Variants in TM9SF2 observed in about 807,000 individuals in gnomAD.
TM9SF2 encodes transmembrane 9 superfamily member 2.
In TM9SF2, 13 loss-of-function variants were observed where a neutral mutation model predicts 84.9. The observed-to-expected ratio is 0.15, with a 90% CI of 0.10 to 0.24. TM9SF2 has a LOEUF of 0.24. Among genes scored for constraint, TM9SF2 ranks in the 10% least tolerant of loss-of-function variants. The pLI is 1.00. For synonymous variants in TM9SF2, 273 were observed against 285.8 expected (o/e 0.96, Z 0.45); for missense variants, 562 against 818.5 (o/e 0.69, Z 3.82).
At chr13:99,511,878 C>G (rs1344164612) in intron 1 of TM9SF2, among the ~76,000 whole-genome samples, 3 of 152,148 alleles carry the variant, frequency 2.0e-5, no homozygotes, top group Admixed American at 2.0e-4. Context: ...TTGAGTTTAC[C>G]TACTTTGTTT....
At chr13:99,516,310 TTGACAGCACTAGTAAG>T (rs979004096) in intron 1 of TM9SF2, among the ~76,000 whole-genome samples, 3 of 152,196 alleles carry the variant, frequency 2.0e-5, no homozygotes, top group African/African-American at 7.2e-5. Flanking sequence ...TAGAGGACTG[TTGACAGCACTAGTAAG>T]TGAAATCAAA....
chr13:99,548,689 A>C lies in TM9SF2; in HGVS notation c.1271-476A>C, dbSNP rs1038346759. Among the ~76,000 whole-genome samples, 3 of 152,138 alleles carry C rather than the reference A, an allele frequency of 2.0e-5. No individual in the cohort carries two copies. The South Asian group carries it at 6.2e-4, about 31-fold the overall frequency. On this transcript the variant is annotated intron_variant, in intron 11 of 16. Coordinates refer to ENST00000376387, the MANE Select transcript of TM9SF2 (RefSeq NM_004800.3). The stretch of plus-strand genomic sequence containing the variant: ...CTTAGTTGCCTCATCTGACACACGC[A>C]CCTCCTAGGAACCACAGTTCCTCCT...
chr13:99,515,135 G>A (rs935182999), intron 1 of TM9SF2, among the ~76,000 whole-genome samples: 6 of 152,234 alleles, frequency 3.9e-5, no homozygotes, highest in African/African-American at 1.4e-4. Context: ...TGTTGACAGT[G>A]CTGTACAGAT....
chr13:99,533,016 G>C (rs1384279733), intron 4 of TM9SF2, among the ~76,000 whole-genome samples: 1 of 152,134 alleles, frequency 6.6e-6, no homozygotes, highest in Non-Finnish European at 1.5e-5. Flanking sequence ...ACCATTATTT[G>C]AGTATATTCT....
intron 11 of TM9SF2, among the ~76,000 whole-genome samples, chr13:99,548,326 T>A (rs570003286): frequency 6.6e-6 from 1 of 152,348 alleles, no homozygotes; most frequent in South Asian, 2.1e-4. Flanking sequence ...TTCATAACAG[T>A]CTGTTTATCA....
At chr13:99,510,580 G>A (rs2046109548) in intron 1 of TM9SF2, among the ~76,000 whole-genome samples, 2 of 151,942 alleles carry the variant, frequency 1.3e-5, no homozygotes, top group Admixed American at 1.3e-4. Flanking sequence ...GGTTACACAG[G>A]AGCAAGAGAG....
Position 99,501,641 on chromosome 13 carries a change from G to T in TM9SF2, c.35G>T (p.Arg12Leu), listed in dbSNP as rs1406103649. The change falls in exon 1 of 17, where the codon CGG becomes CTG. Residue 12 changes from arginine (R) to leucine (L), a missense_variant. Physicochemically the swap from Arg to Leu is moderately radical, Grantham distance 102 (BLOSUM62 -2). Around this residue, in one of 4 missense-constraint regions of TM9SF2, gnomAD observed 267 missense variants for 316.7 expected, o/e 0.84. Coordinates refer to ENST00000376387, the MANE Select transcript of TM9SF2 (RefSeq NM_004800.3). ...AGGCTGCCGGTGTTGTCTCCACCTCGGTGGCCGCGGCTGTTGCTGCTGTCG... is the reference window on the plus strand; with the variant it reads ...AGGCTGCCGGTGTTGTCTCCACCTCTGTGGCCGCGGCTGTTGCTGCTGTCG... ...SARLPVLSPP[R>L]WPRLLLLSLL... 6.2e-7 allele frequency: 1 copy of T among 1,613,120 alleles called. No individual in the cohort carries two copies. The highest frequency in any genetic ancestry group is 2.2e-5 in the East Asian group (1 of 44,748).
At chr13:99,547,263 C>G (rs1362955239) in intron 11 of TM9SF2, among the ~76,000 whole-genome samples, 159 bp downstream of exon 11, 1 of 152,170 alleles carries the variant, frequency 6.6e-6, no homozygotes, top group African/African-American at 2.4e-5. Flanking sequence ...CCTTTTGTGT[C>G]ATGAGTTACT....
rs111774163 is a variant in TM9SF2 at position 99,509,724 on chromosome 13, A to C, written c.172-7890A>C. ...CCTGTGGTGGGAGGGGCTGCTGCAA[A>C]GGTCTCTGAAATACCTTTGAAGCCT... On this transcript the variant is annotated intron_variant, in intron 1 of 16. Coordinates refer to ENST00000376387, the MANE Select transcript of TM9SF2 (RefSeq NM_004800.3). Among the ~76,000 whole-genome samples the C allele has an allele frequency of 4.6e-5, 7 of 152,300 alleles. 1 individual carries two copies. Among genetic ancestry groups the C allele is most frequent in the African/African-American group, 1.4e-4 (6 of 41,562 alleles).
chr13:99,536,259 C>A (rs1000808686), intron 4 of TM9SF2, among the ~76,000 whole-genome samples: 23 of 150,834 alleles, frequency 1.5e-4, no homozygotes, highest in Non-Finnish European at 1.5e-4. Context: ...TCTTTCCTAC[C>A]TACCATTTAT....
At chr13:99,540,557 C>A in intron 7 of TM9SF2, 157 bp from the exon 8 acceptor site, 14 of 266,186 alleles carry the variant, frequency 5.3e-5, no homozygotes, top group Non-Finnish European at 8.2e-5. Context: ...TTTAGTAAAT[C>A]TGAAACTCTC....
chr13:99,550,840 A>G (rs1018613123), intron 12 of TM9SF2, among the ~76,000 whole-genome samples: 1 of 152,264 alleles, frequency 6.6e-6, no homozygotes, highest in Admixed American at 6.5e-5. Flanking sequence ...TTCAGAACCA[A>G]CATCACTGAT....
In TM9SF2 at chr13:99,551,671, A is replaced by C. The variant is rs911318602; in HGVS notation, c.1329-496A>C. Among the ~76,000 whole-genome samples the C allele has an allele frequency of 3.3e-5, 5 of 152,220 alleles. No homozygotes were observed. In the East Asian group the frequency reaches 9.6e-4, roughly 29 times the overall value. On this transcript the variant is annotated intron_variant, in intron 12 of 16. Coordinates refer to ENST00000376387, the MANE Select transcript of TM9SF2 (RefSeq NM_004800.3). ...AAGACTGAATGGAAATTAACTACAC[A>C]CATTTAGATGTTTGGGTTCAAAAAA...
Position 99,563,515 on chromosome 13 carries a change from C to CT in TM9SF2, c.*760dup, listed in dbSNP as rs2046352844. The CT allele has an allele frequency of 6.6e-6, 1 of 152,134 alleles. No homozygotes were observed. The highest frequency in any genetic ancestry group is 1.5e-5 in the Non-Finnish European group (1 of 68,034). The allele number at this position is 152,134 out of a possible 1,614,324, so 9.4% of individuals were successfully genotyped here. Reference sequence around the variant, plus strand: ...TTTACTGGATTTTGTTAATGTAACACTTTCTGAGTTTTGATCTGAATGGAA... The same window carrying CT: ...TTTACTGGATTTTGTTAATGTAACACTTTTCTGAGTTTTGATCTGAATGGAA... On this transcript the variant is annotated 3_prime_UTR_variant, in exon 17 of 17. Coordinates refer to ENST00000376387, the MANE Select transcript of TM9SF2 (RefSeq NM_004800.3).
At position 99,559,439 on chromosome 13, in the gene TM9SF2, ACTT is replaced by A. The variant is rs758359659; in HGVS notation, c.1833_1835del (p.Phe612del). 6.2e-7 allele frequency: 1 copy of A among 1,614,088 alleles called. No homozygotes were observed. The highest frequency in any genetic ancestry group is 8.5e-7 in the Non-Finnish European group (1 of 1,179,962). ...TATTTCTTAATCTATGCAGTACACT[ACTT>A]CTTTTCAAAACTGCAGATCACGGGA... On this transcript the variant is annotated inframe_deletion, in exon 16 of 17. Coordinates refer to ENST00000376387, the MANE Select transcript of TM9SF2 (RefSeq NM_004800.3).
At chr13:99,530,095 C>G in intron 4 of TM9SF2, among the ~76,000 whole-genome samples, 1 of 150,964 alleles carries the variant, frequency 6.6e-6, no homozygotes, top group East Asian at 1.9e-4. Context: ...AAAAAAAAGG[C>G]TGACACAAAG....
At chr13:99,561,181 C>T (rs2046343825) in intron 16 of TM9SF2, among the ~76,000 whole-genome samples, 1 of 152,158 alleles carries the variant, frequency 6.6e-6, no homozygotes, top group African/African-American at 2.4e-5. Context: ...AAATGCCTTA[C>T]CTTTCTCTAA....
rs764975911 is a variant in TM9SF2, at chr13:99,501,701, G to T, written c.95G>T (p.Arg32Leu). ...CTGGGGGCGGTTCCTGGCCCGCGCC[G>T]GAGCGGCGCTTTCTACCTGCCCGGC... ...LLLGAVPGPR[R>L]SGAFYLPGLA... Residue 32 changes from arginine to leucine, a missense_variant, in exon 1 of 17, where the codon CGG (arginine) becomes CTG (leucine). By Grantham distance (102) the Arg-to-Leu change is moderately radical. Around this residue, in one of 4 missense-constraint regions of TM9SF2, gnomAD observed 267 missense variants for 316.7 expected, o/e 0.84. Coordinates refer to ENST00000376387, the MANE Select transcript of TM9SF2 (RefSeq NM_004800.3). The T allele has an allele frequency of 4.3e-6, 7 of 1,611,482 alleles. No homozygotes were observed. The South Asian group carries it at 7.7e-5, about 18-fold the overall frequency.
chr13:99,539,957 A>G (rs1387278497), intron 7 of TM9SF2, among the ~76,000 whole-genome samples: 6 of 152,202 alleles, frequency 3.9e-5, no homozygotes, highest in Non-Finnish European at 8.8e-5. Flanking sequence ...AGAAAATTGA[A>G]GGGAGTGTTT....
Sources: allele counts gnomAD v4.1 joint callset (sites outside exome capture counted in the v4.1 genomes callset), GRCh38; gene constraint gnomAD v4.1.1; regional missense constraint gnomAD v4.1.1; transcripts MANE v1.5; gene names NCBI Gene and HGNC (gene_info 2026-07-23, HGNC 2026-07-21).